The following RIPOR2 variants were observed in gnomAD, a reference collection of about 807,000 sequenced individuals.
RIPOR2 encodes RHO family interacting cell polarization regulator 2.
In RIPOR2, 39 loss-of-function variants were observed where a neutral mutation model predicts 114.5. The ratio of observed to expected loss-of-function variants is 0.34; its 90% CI spans 0.26 to 0.44. The LOEUF (loss-of-function observed/expected upper bound fraction) is 0.44. Among genes scored for constraint, RIPOR2 ranks in the 20% least tolerant of loss-of-function variants. RIPOR2 has a pLI of 1.00. For missense variants in RIPOR2, 1,007 were observed against 1,255.1 expected (o/e 0.80, Z 2.99); for synonymous variants, 445 against 484.4 (o/e 0.92, Z 1.07).
upstream of RIPOR2, among the ~76,000 whole-genome samples, chr6:24,936,644 G>A (rs1771823676): frequency 6.6e-6 from 1 of 152,164 alleles, no homozygotes; most frequent in East Asian, 1.9e-4. Flanking sequence ...AGAAGAAAAT[G>A]TAACTCAAAA....
At position 24,839,618 on chromosome 6, in the gene RIPOR2, AC is replaced by A. The variant is rs972630312; in HGVS notation, c.1858-347del. ...TCTACTTCTGTTTGAAATTTTTATA[AC>A]AAAAAGTTGAAAAAAAACAAAAAAA... On this transcript the variant is annotated intron_variant, in intron 13 of 21. Coordinates refer to ENST00000643898, the MANE Select transcript of RIPOR2 (RefSeq NM_001286445.3). 1.7e-5 allele frequency: 26 copies of A among 1,539,634 alleles called. No individual in the cohort carries two copies. The African/African-American group carries it at 2.8e-4, about 16-fold the overall frequency.
At chr6:24,848,773 G>C (rs1448564511) in intron 11 of RIPOR2, among the ~76,000 whole-genome samples, 1 of 152,138 alleles carries the variant, frequency 6.6e-6, no homozygotes, top group East Asian at 1.9e-4. Context: ...TGATGACAAA[G>C]CAAGAGTGTC....
intron 1 of RIPOR2, among the ~76,000 whole-genome samples, chr6:25,024,923 C>T (rs1277737984): frequency 1.3e-5 from 2 of 152,144 alleles, no homozygotes; most frequent in African/African-American, 4.8e-5. Flanking sequence ...TTCTCTGTTT[C>T]TAGTTATTTA....
At chr6:24,932,231 T>C (rs1046450837) in intron 1 of RIPOR2, among the ~76,000 whole-genome samples, 2 of 152,156 alleles carry the variant, frequency 1.3e-5, no homozygotes, top group Non-Finnish European at 2.9e-5. Context: ...AAATGAATCA[T>C]TTCTCCAGGA....
At position 24,876,113 on chromosome 6, in the gene RIPOR2, A is replaced by T. The variant is rs534221272; in HGVS notation, c.62-296T>A. On this transcript the variant is annotated intron_variant, in intron 1 of 21. Coordinates refer to ENST00000643898, the MANE Select transcript of RIPOR2 (RefSeq NM_001286445.3). Reference sequence around the variant, plus strand: ...CAAGACCAGCCTGGGCAACCTGGTGAAACCCCATCTCTACTAAAAATACAA... The same window carrying T: ...CAAGACCAGCCTGGGCAACCTGGTGTAACCCCATCTCTACTAAAAATACAA... Among the ~76,000 whole-genome samples, 16 of 152,206 alleles carry T rather than the reference A, an allele frequency of 1.1e-4. No homozygotes were observed. The South Asian group carries it at 3.1e-3, about 30-fold the overall frequency.
At chr6:24,867,323 A>G (rs1438375436) in intron 6 of RIPOR2, among the ~76,000 whole-genome samples, 1 of 152,176 alleles carries the variant, frequency 6.6e-6, no homozygotes, top group East Asian at 1.9e-4. Context: ...TCATCTGGTG[A>G]GCTTGGTAAA....
At chr6:25,003,562 T>G (rs2113655132) in intron 1 of RIPOR2, among the ~76,000 whole-genome samples, 1 of 152,146 alleles carries the variant, frequency 6.6e-6, no homozygotes, top group South Asian at 2.1e-4. Context: ...CCCAAGTAGC[T>G]GGGACTACAT....
At chr6:24,839,628 G>T in intron 13 of RIPOR2, 1 of 1,530,364 alleles carries the variant, frequency 6.5e-7, no homozygotes, top group Non-Finnish European at 8.8e-7. Flanking sequence ...ACAAAAAGTT[G>T]AAAAAAAACA....
intron 9 of RIPOR2, among the ~76,000 whole-genome samples, chr6:24,851,778 T>A (rs968281481): frequency 6.6e-6 from 1 of 150,484 alleles, no homozygotes; most frequent in African/African-American, 2.4e-5. Flanking sequence ...GCTTACCTAG[T>A]ACAATATTGG....
At chr6:24,808,292 T>C (rs899312200) in intron 21 of RIPOR2, among the ~76,000 whole-genome samples, 4 of 152,224 alleles carry the variant, frequency 2.6e-5, no homozygotes, top group Non-Finnish European at 5.9e-5. Flanking sequence ...ACACTGGAAA[T>C]AGAAGCTTCG....
At chr6:25,027,325 C>T (rs1776676009) in intron 1 of RIPOR2, among the ~76,000 whole-genome samples, 1 of 152,266 alleles carries the variant, frequency 6.6e-6, no homozygotes, top group South Asian at 2.1e-4. Flanking sequence ...GCACAGCCAC[C>T]CAGCCCTCTG....
At chr6:24,831,005 C>T (rs981459105) in intron 16 of RIPOR2, among the ~76,000 whole-genome samples, 2 of 151,956 alleles carry the variant, frequency 1.3e-5, no homozygotes, top group Admixed American at 6.6e-5. Flanking sequence ...CGTGAGCCAC[C>T]ACGCCTGGCC....
chr6:24,945,961 C>A (rs1364390836), intron 1 of RIPOR2, among the ~76,000 whole-genome samples: 1 of 152,048 alleles, frequency 6.6e-6, no homozygotes, highest in Non-Finnish European at 1.5e-5. Flanking sequence ...TAATATTCAT[C>A]CATGGATAAA....
chr6:25,039,482 C>T (rs1226233349), intron 1 of RIPOR2, among the ~76,000 whole-genome samples: 1 of 152,200 alleles, frequency 6.6e-6, no homozygotes, highest in Non-Finnish European at 1.5e-5. Context: ...TCAGGACCAG[C>T]CTGCTTAATG....
intron 1 of RIPOR2, among the ~76,000 whole-genome samples, chr6:24,987,518 A>T (rs986036478): frequency 2.0e-5 from 3 of 152,254 alleles, no homozygotes; most frequent in Non-Finnish European, 4.4e-5. Flanking sequence ...CCAAATTAAA[A>T]GGCTCAAATC....
intron 1 of RIPOR2, among the ~76,000 whole-genome samples, chr6:24,991,399 G>A (rs1446939834): frequency 6.6e-6 from 1 of 152,032 alleles, no homozygotes; most frequent in Non-Finnish European, 1.5e-5. Flanking sequence ...CCATTCTGTT[G>A]TGCGACTTCT....
rs1471633994 is a variant in RIPOR2, at chr6:24,847,537, C to G, written c.1164+488G>C. 85 of 1,550,944 alleles carry G rather than the reference C, an allele frequency of 5.5e-5. No individual in the cohort carries two copies. The highest frequency in any genetic ancestry group is 6.7e-5 in the Non-Finnish European group (77 of 1,146,546). Reference sequence around the variant, plus strand: ...GCACTCCATACCCGGGCAGGCCACACTCACATAGAGCTCTAGCACGGCCTT... The same window carrying G: ...GCACTCCATACCCGGGCAGGCCACAGTCACATAGAGCTCTAGCACGGCCTT... On this transcript the variant is annotated intron_variant, in intron 12 of 21. Coordinates refer to ENST00000643898, the MANE Select transcript of RIPOR2 (RefSeq NM_001286445.3).
intron 1 of RIPOR2, among the ~76,000 whole-genome samples, chr6:24,925,700 C>CAA (rs36119418): frequency 3.6e-5 from 5 of 137,484 alleles, no homozygotes; most frequent in Non-Finnish European, 3.2e-5. Context: ...GACTCCATCT[C>CAA]AAAAAAAAAA....
At chr6:24,825,452 T>G in intron 18 of RIPOR2, 24 bp from the exon 19 acceptor site, 5 of 1,476,034 alleles carry the variant, frequency 3.4e-6, no homozygotes, top group Non-Finnish European at 3.7e-6. Flanking sequence ...AGGAAGGAGA[T>G]TTCATGTTCT....
Sources: gnomAD v4.1 joint callset for allele counts (sites outside exome capture counted in the v4.1 genomes callset) on GRCh38, gnomAD v4.1.1 for gene constraint, MANE v1.5 for transcripts, NCBI Gene and HGNC (gene_info 2026-07-23, HGNC 2026-07-21) for gene names.